IQCB1: variants seen among roughly 807,000 people sequenced by gnomAD.
IQCB1 encodes IQ calmodulin-binding motif-containing protein 1.
In IQCB1, 56 loss-of-function variants were observed where a neutral mutation model predicts 84.4. The observed-to-expected ratio is 0.66, with a 90% CI of 0.54 to 0.83. The LOEUF (loss-of-function observed/expected upper bound fraction) is 0.83. IQCB1 is among the 40% of genes least tolerant of loss of function. The pLI is 0.00. For synonymous variants in IQCB1, 210 were observed against 234.8 expected (o/e 0.89, Z 0.96); for missense variants, 629 against 682.1 (o/e 0.92, Z 0.87).
At chr3:121,795,637 A>G (rs1450441606) in intron 9 of IQCB1, 71 bp from the exon 10 acceptor site, 1 of 861,670 alleles carries the variant, frequency 1.2e-6, no homozygotes, top group African/African-American at 1.7e-5. Flanking sequence ...TTTACCTCTT[A>G]AAGTATCAGG....
intron 12 of IQCB1, among the ~76,000 whole-genome samples, chr3:121,786,124 T>C (rs950850305): frequency 1.6e-5 from 2 of 127,936 alleles, no homozygotes; most frequent in East Asian, 2.0e-4. Context: ...TGGGGTATGA[T>C]TGCACCACTG....
intron 9 of IQCB1, 135 bp from the exon 10 acceptor site, chr3:121,795,701 T>TC (rs1342293578): frequency 1.5e-6 from 1 of 657,888 alleles, no homozygotes; most frequent in Non-Finnish European, 2.7e-6. Context: ...ATATTAAACC[T>TC]TACCTCCCAA....
chr3:121,783,340 G>A (rs1166568667), intron 12 of IQCB1, among the ~76,000 whole-genome samples: 3 of 151,368 alleles, frequency 2.0e-5, no homozygotes, highest in East Asian at 1.9e-4. Flanking sequence ...TGATTTTCTT[G>A]TATGAAAGGT....
chr3:121,784,807 G>A (rs1358677515), intron 12 of IQCB1, among the ~76,000 whole-genome samples: 1 of 151,838 alleles, frequency 6.6e-6, no homozygotes, highest in African/African-American at 2.4e-5. Flanking sequence ...TCAGCCTCCC[G>A]AGTAGCCGGG....
chr3:121,777,980 T>A (rs1362536924), intron 13 of IQCB1, among the ~76,000 whole-genome samples: 1 of 151,598 alleles, frequency 6.6e-6, no homozygotes, highest in Non-Finnish European at 1.5e-5. Context: ...TGAACATGCC[T>A]CACTGCAGCC....
At position 121,829,038 on chromosome 3, in the gene IQCB1, G is replaced by C. The variant is rs918618203; in HGVS notation, c.-12-66C>G. On this transcript the variant is annotated intron_variant, in intron 2 of 14. Coordinates refer to ENST00000310864, the MANE Select transcript of IQCB1 (RefSeq NM_001023570.4). ...AGGAAATGTTCACTACCTAAATAAT[G>C]TTTGAAATATAATTTCAATATAAAT... 9.6e-6 allele frequency: 8 copies of C among 832,412 alleles called. No homozygotes were observed. In the African/African-American group the frequency reaches 1.2e-4, roughly 12 times the overall value. 51.6% of individuals were successfully genotyped at this position (832,412 alleles called of 1,614,324 possible).
At chr3:121,826,894 T>C (rs1950483614) in intron 4 of IQCB1, among the ~76,000 whole-genome samples, 2 of 152,170 alleles carry the variant, frequency 1.3e-5, no homozygotes, top group African/African-American at 4.8e-5. Flanking sequence ...ATGGTCTCTA[T>C]GTGTGTACTC....
chr3:121,825,765 A>T (rs1466186194), intron 5 of IQCB1, among the ~76,000 whole-genome samples: 2 of 152,208 alleles, frequency 1.3e-5, no homozygotes, highest in Non-Finnish European at 2.9e-5. Flanking sequence ...TGTTAATTTA[A>T]GTAAAAAGTA....
chr3:121,790,044 A>G (rs1168103669), intron 11 of IQCB1, 29 bp downstream of exon 11: 3 of 1,592,620 alleles, frequency 1.9e-6, no homozygotes, highest in Admixed American at 1.7e-5. Context: ...AAATATTCTT[A>G]TATTGATAAA....
chr3:121,804,570 AG>A (rs1949536282), intron 7 of IQCB1, among the ~76,000 whole-genome samples: 1 of 152,080 alleles, frequency 6.6e-6, no homozygotes, highest in Non-Finnish European at 1.5e-5. Context: ...GTTTCTGATA[AG>A]AAAGTTGCTG....
At chr3:121,784,434 G>A (rs183566868) in intron 12 of IQCB1, among the ~76,000 whole-genome samples, 1 of 151,842 alleles carries the variant, frequency 6.6e-6, no homozygotes, top group East Asian at 1.9e-4. Context: ...ATTTTATTCT[G>A]TGTGCTCCAT....
chr3:121,799,495 C>T (rs114055652), intron 7 of IQCB1, 121 bp from the exon 8 acceptor site: 23 of 652,736 alleles, frequency 3.5e-5, no homozygotes, highest in Non-Finnish European at 5.9e-5. Flanking sequence ...AAGAATATAA[C>T]CACTTTTTCA....
chr3:121,769,925 ACCT>A lies in IQCB1; in HGVS notation c.*417_*419del, dbSNP rs1025571453. On this transcript the variant is annotated 3_prime_UTR_variant, in exon 15 of 15. Transcript: ENST00000310864. Reference sequence around the variant, plus strand: ...CCTCACATTAATAAAGTCTGCACACACCTCCTATGTTAACAGGAAATAGGAATT... The same window carrying A: ...CCTCACATTAATAAAGTCTGCACACACCTATGTTAACAGGAAATAGGAATT... 5 of 174,134 alleles carry A rather than the reference ACCT, an allele frequency of 2.9e-5. No homozygotes were observed. Among genetic ancestry groups the A allele is most frequent in the African/African-American group, 1.2e-4 (5 of 41,744 alleles). The allele number at this position is 174,134 out of a possible 1,614,324, so 10.8% of individuals were successfully genotyped here.
At chr3:121,777,399 T>A (rs1359678434) in intron 13 of IQCB1, among the ~76,000 whole-genome samples, 1 of 152,234 alleles carries the variant, frequency 6.6e-6, no homozygotes, top group Non-Finnish European at 1.5e-5. Context: ...CAGCATGTTA[T>A]TGTATTGAAT....
chr3:121,830,682 T>C (rs183794216), intron 2 of IQCB1, among the ~76,000 whole-genome samples: 152 of 152,320 alleles, frequency 1.0e-3, no homozygotes, highest in African/African-American at 3.4e-3. Context: ...AGTCTTGTTA[T>C]GTTAGGGTGC....
At chr3:121,782,075 A>G (rs1439768834) in intron 12 of IQCB1, among the ~76,000 whole-genome samples, 1 of 152,202 alleles carries the variant, frequency 6.6e-6, no homozygotes, top group African/African-American at 2.4e-5. Flanking sequence ...TTTTACAAGG[A>G]TATAGTCACG....
chr3:121,770,130 A>T lies in IQCB1; in HGVS notation c.*215T>A. Reference sequence around the variant, plus strand: ...TTTAGTTCTACAATAAAAGCCACACAAATCTGTGTGTGGCTAACGATGAGG... The same window carrying T: ...TTTAGTTCTACAATAAAAGCCACACTAATCTGTGTGTGGCTAACGATGAGG... On this transcript the variant is annotated 3_prime_UTR_variant, in exon 15 of 15. Coordinates refer to ENST00000310864, the MANE Select transcript of IQCB1 (RefSeq NM_001023570.4). 1.9e-6 allele frequency: 1 copy of T among 537,282 alleles called. No individual in the cohort carries two copies. The allele number at this position is 537,282 out of a possible 1,614,324, so 33.3% of individuals were successfully genotyped here.
chr3:121,803,536 A>G (rs1364352502), intron 7 of IQCB1, among the ~76,000 whole-genome samples: 1 of 151,988 alleles, frequency 6.6e-6, no homozygotes, highest in Non-Finnish European at 1.5e-5. Context: ...TTTTTTGTCT[A>G]CTTATTCTAT....
chr3:121,776,898 C>G (rs1453342187), intron 13 of IQCB1, among the ~76,000 whole-genome samples: 1 of 152,140 alleles, frequency 6.6e-6, no homozygotes, highest in African/African-American at 2.4e-5. Flanking sequence ...GATATAGGAC[C>G]TTTATCAAAT....
Sources: gnomAD v4.1 joint callset for allele counts (sites outside exome capture counted in the v4.1 genomes callset) on GRCh38, gnomAD v4.1.1 for gene constraint, MANE v1.5 for transcripts, NCBI Gene and HGNC (gene_info 2026-07-23, HGNC 2026-07-21) for gene names.